Variants in KNTC1 observed in about 807,000 individuals in gnomAD.
KNTC1 encodes the protein kinetochore-associated protein 1.
Under a neutral mutation model 314.4 loss-of-function variants are expected in KNTC1, and 253 were observed. The observed-to-expected ratio is 0.80, with a 90% CI of 0.73 to 0.89. The LOEUF (loss-of-function observed/expected upper bound fraction) is 0.89, where lower values mean the gene tolerates loss of function less well. KNTC1 is among the 40% of genes least tolerant of loss of function. The pLI is 0.00. For missense variants in KNTC1, 2,475 were observed against 2,572.9 expected (o/e 0.96, Z 0.82); for synonymous variants, 901 against 901.4 (o/e 1.00, Z 0.01).
At chr12:122,547,820 T>G in intron 11 of KNTC1, 95 bp from the exon 12 acceptor site, 1 of 709,652 alleles carries the variant, frequency 1.4e-6, no homozygotes. Flanking sequence ...ATCTTGTAAT[T>G]GGCAAAGCCT....
Position 122,601,593 on chromosome 12 carries a change from G to T in KNTC1, c.4621G>T (p.Asp1541Tyr). Residue 1541 changes from aspartate to tyrosine, a missense_variant, in exon 45 of 64, where the codon GAT becomes TAT. Transcript: ENST00000333479. ...EVVLKVIERA[D>Y]EKITNININQ... ...TGTCTTGAAAGTTATAGAACGAGCT[G>T]ATGAAAAGATAACCAATATTAATAT... 1 of 1,536,140 alleles carries T rather than the reference G, an allele frequency of 6.5e-7. No individual in the cohort carries two copies. Among genetic ancestry groups the T allele is most frequent in the South Asian group, 1.3e-5 (1 of 79,958 alleles).
intron 12 of KNTC1, among the ~76,000 whole-genome samples, chr12:122,548,196 G>GTTTAT (rs1962928033): frequency 6.6e-6 from 1 of 152,030 alleles, no homozygotes; most frequent in African/African-American, 2.4e-5. Flanking sequence ...ATAGGAAAGT[G>GTTTAT]TTTATTTTAT....
intron 20 of KNTC1, chr12:122,563,640 G>C: frequency 5.3e-6 from 3 of 564,612 alleles, no homozygotes; most frequent in Non-Finnish European, 7.7e-6. Context: ...AGCGAGAAGG[G>C]CAGATCTCCA....
In KNTC1 at chr12:122,576,963, A is replaced by G; in HGVS notation, c.2655A>G (p.Gln885=). Residue 885 remains glutamine, a synonymous_variant, in exon 30 of 64, where the codon CAA becomes CAG. Coordinates refer to ENST00000333479, the MANE Select transcript of KNTC1 (RefSeq NM_014708.6). The stretch of plus-strand genomic sequence containing the variant: ...TAGAAGATGCTTTAAAGGTAGCCCA[A>G]GCGTTTATGTTATCTGATGATGAGA... ...SSLEDALKVA[Q]AFMLSDDEIY... is the part of the protein sequence containing the mutation. 1 of 1,600,580 alleles carries G rather than the reference A, an allele frequency of 6.2e-7. No individual in the cohort carries two copies.
chr12:122,556,778 T>C (rs1963629010), intron 16 of KNTC1, among the ~76,000 whole-genome samples: 1 of 152,146 alleles, frequency 6.6e-6, no homozygotes, highest in African/African-American at 2.4e-5. Flanking sequence ...TCTCTACTTT[T>C]ATGAGTTTGA....
chr12:122,593,974 A>G (rs1870681309), intron 42 of KNTC1: 1 of 313,808 alleles, frequency 3.2e-6, no homozygotes, highest in African/African-American at 2.2e-5. Context: ...CAGTACAGAA[A>G]TGCTATATGT....
intron 28 of KNTC1, 57 bp downstream of exon 28, chr12:122,575,703 G>T: frequency 6.8e-7 from 1 of 1,479,444 alleles, no homozygotes; most frequent in South Asian, 1.2e-5. Flanking sequence ...ATTGTGTTTT[G>T]AGTTGACGTT....
At chr12:122,539,298 G>C (rs781430431) in intron 4 of KNTC1, among the ~76,000 whole-genome samples, 3 of 152,104 alleles carry the variant, frequency 2.0e-5, no homozygotes, top group Non-Finnish European at 4.4e-5. Context: ...TTGCCTGCCA[G>C]GATTGAGTTT....
chr12:122,572,015 A>G (rs1401964085), intron 24 of KNTC1, among the ~76,000 whole-genome samples: 5 of 151,896 alleles, frequency 3.3e-5, no homozygotes, highest in Admixed American at 6.6e-5. Context: ...TATTCAACCA[A>G]CCAAAAGGGG....
At chr12:122,617,987 G>A (rs1394526489) in intron 57 of KNTC1, among the ~76,000 whole-genome samples, 2 of 151,990 alleles carry the variant, frequency 1.3e-5, no homozygotes, top group East Asian at 1.9e-4. Flanking sequence ...GAACATTTAG[G>A]CTGCAATTTA....
intron 20 of KNTC1, among the ~76,000 whole-genome samples, chr12:122,567,587 G>A (rs551499113): frequency 8.6e-5 from 13 of 151,744 alleles, no homozygotes; most frequent in Non-Finnish European, 4.4e-5. Context: ...GCCTGTAATC[G>A]CAACACTTTG....
chr12:122,547,425 G>A lies in KNTC1; in HGVS notation c.827G>A (p.Ser276Asn), dbSNP rs1284020568. The A allele has an allele frequency of 2.5e-6, 4 of 1,605,808 alleles. No homozygotes were observed. Among genetic ancestry groups the A allele is most frequent in the Non-Finnish European group, 8.5e-7 (1 of 1,172,980 alleles). ...ATGTCTCTATTGCAGAACGTGCTGA[G>A]TTTATGGGATATTTACACTCTAACT... Reference protein sequence around the residue: ...LFVLDTDNVLSLWDIYTLTPV... With the variant: ...LFVLDTDNVLNLWDIYTLTPV... Residue 276 changes from serine (S) to asparagine (N), a missense_variant, in exon 11 of 64, where the codon AGT becomes AAT. Physicochemically the swap from Ser to Asn is conservative, Grantham distance 46 (BLOSUM62 1). Transcript: ENST00000333479.
Position 122,586,725 on chromosome 12 carries a change from C to A in KNTC1, c.3698C>A (p.Ser1233Tyr). 1 of 1,496,572 alleles carries A rather than the reference C, an allele frequency of 6.7e-7. No individual in the cohort carries two copies. The highest frequency in any genetic ancestry group is 9.0e-7 in the Non-Finnish European group (1 of 1,111,060). The allele number at this position is 1,496,572 out of a possible 1,614,324, so 92.7% of individuals were successfully genotyped here. A position where few individuals can be genotyped will look rare whatever the true frequency, so the allele number is the denominator to read the frequency against. ...LAESKRYPLE[S>Y]TSLPYCSLNE... ...GAAAGCAAGAGATATCCCTTGGAGTCTACCAGTTTGCCATACTGCTCCCTT... is the reference window on the plus strand; with the variant it reads ...GAAAGCAAGAGATATCCCTTGGAGTATACCAGTTTGCCATACTGCTCCCTT... The change falls in exon 38 of 64, where the codon TCT becomes TAT. Residue 1233 changes from serine (S) to tyrosine (Y), a missense_variant. Physicochemically the swap from Ser to Tyr is moderately radical, Grantham distance 144. Transcript: ENST00000333479.
chr12:122,604,809 G>A (rs1455274992), intron 49 of KNTC1, 68 bp from the exon 50 acceptor site: 2 of 1,456,864 alleles, frequency 1.4e-6, no homozygotes, highest in Non-Finnish European at 1.9e-6. Flanking sequence ...GATTGATAAA[G>A]ATGGATGCTT....
intron 61 of KNTC1, 78 bp downstream of exon 61, chr12:122,622,048 A>G (rs1316113693): frequency 1.0e-6 from 1 of 957,950 alleles, no homozygotes; most frequent in African/African-American, 1.6e-5. Flanking sequence ...ACCAAGAGTA[A>G]GCTGAAAACT....
chr12:122,579,799 A>T lies in KNTC1; in HGVS notation c.2842-106A>T, dbSNP rs113936422. On this transcript the variant is annotated intron_variant, in intron 31 of 63. Transcript: ENST00000333479. Reference sequence around the variant, plus strand: ...CATTTCTCAGCTGCCCAACTCCTCCACGATTGTTTTTTCTGCTTCTGTGGT... The same window carrying T: ...CATTTCTCAGCTGCCCAACTCCTCCTCGATTGTTTTTTCTGCTTCTGTGGT... The T allele has an allele frequency of 6.0e-3, 4,498 of 747,778 alleles. 102 individuals are homozygous for T. Among genetic ancestry groups the T allele is most frequent in the African/African-American group, 0.057 (3,249 of 57,490 alleles). The allele number at this position is 747,778 out of a possible 1,614,324, so 46.3% of individuals were successfully genotyped here. A position where few individuals can be genotyped will look rare whatever the true frequency, so the allele number is the denominator to read the frequency against.
chr12:122,605,843 CTCT>C (rs1872529613), intron 51 of KNTC1, among the ~76,000 whole-genome samples: 1 of 150,814 alleles, frequency 6.6e-6, no homozygotes, highest in African/African-American at 2.4e-5. Context: ...TGCACCTGGC[CTCT>C]TTTGTTTGTT....
At chr12:122,592,167 G>T (rs2138052162) in intron 42 of KNTC1, among the ~76,000 whole-genome samples, 1 of 152,342 alleles carries the variant, frequency 6.6e-6, no homozygotes, top group East Asian at 1.9e-4. Context: ...TTAGCACCCG[G>T]GCCAGCGGCT....
intron 20 of KNTC1, chr12:122,563,788 A>T (rs74921432): frequency 0.089 from 130,920 of 1,468,486 alleles, 6,624 homozygotes; most frequent in Middle Eastern, 0.12. Context: ...CCATATGATG[A>T]CTCTTCCACA....
Sources: gnomAD v4.1 joint callset for allele counts (sites outside exome capture counted in the v4.1 genomes callset) on GRCh38, gnomAD v4.1.1 for gene constraint, MANE v1.5 for transcripts, NCBI Gene and HGNC (gene_info 2026-07-23, HGNC 2026-07-21) for gene names.